The following DGKB variants were observed in gnomAD, a reference collection of about 807,000 sequenced individuals.
DGKB encodes diacylglycerol kinase beta, also known as 90 kDa diacylglycerol kinase.
A neutral mutation model predicts 114.3 loss-of-function variants in DGKB; 67 were observed. The ratio of observed to expected loss-of-function variants is 0.59; its 90% confidence interval spans 0.48 to 0.72. The LOEUF is 0.72. Among genes scored for constraint, DGKB ranks in the 30% least tolerant of loss-of-function variants. DGKB has a pLI of 0.00. For synonymous variants in DGKB, 398 were observed against 323.1 expected (o/e 1.23, Z -2.49); for missense variants, 907 against 975.2 (o/e 0.93, Z 0.93).
At chr7:14,949,644 A>C (rs1786066880) in intron 1 of DGKB, among the ~76,000 whole-genome samples, 1 of 151,990 alleles carries the variant, frequency 6.6e-6, no homozygotes, top group Admixed American at 6.6e-5. Context: ...TTGATCTACA[A>C]ATTTAAGAGG....
intron 21 of DGKB, among the ~76,000 whole-genome samples, chr7:14,449,331 T>C (rs1831151630): frequency 6.6e-6 from 1 of 152,060 alleles, no homozygotes; most frequent in South Asian, 2.1e-4. Context: ...TTGTGTACCT[T>C]TGCATTTTAC....
intron 1 of DGKB, among the ~76,000 whole-genome samples, chr7:14,921,942 G>A (rs1242034959): frequency 6.6e-6 from 1 of 152,150 alleles, no homozygotes; most frequent in African/African-American, 2.4e-5. Flanking sequence ...ACTGTGTTCT[G>A]ATTAGGAGGT....
At chr7:14,235,234 C>T (rs142237854) in intron 23 of DGKB, among the ~76,000 whole-genome samples, 223 of 152,130 alleles carry the variant, frequency 1.5e-3, no homozygotes, top group African/African-American at 3.1e-3. Flanking sequence ...CTAGAAATCA[C>T]TTTTATTTAA....
At chr7:14,733,271 AATG>A (rs1449608855) in intron 5 of DGKB, among the ~76,000 whole-genome samples, 1 of 152,218 alleles carries the variant, frequency 6.6e-6, no homozygotes, top group Non-Finnish European at 1.5e-5. Flanking sequence ...AGAAGAGAAA[AATG>A]ATGATAAACA....
chr7:14,392,389 C>T (rs551717133), intron 21 of DGKB, among the ~76,000 whole-genome samples: 44 of 152,112 alleles, frequency 2.9e-4, no homozygotes, highest in African/African-American at 8.7e-4. Flanking sequence ...TTTTGTATTG[C>T]GTTAACATGA....
At chr7:14,944,929 T>C (rs1276619003) in intron 1 of DGKB, among the ~76,000 whole-genome samples, 1 of 151,762 alleles carries the variant, frequency 6.6e-6, no homozygotes, top group African/African-American at 2.4e-5. Context: ...CTGGCGATAA[T>C]CATACCATAA....
intron 23 of DGKB, among the ~76,000 whole-genome samples, chr7:14,240,859 C>T (rs73067886): frequency 0.085 from 12,916 of 152,036 alleles, 699 homozygotes; most frequent in Admixed American, 0.18. Flanking sequence ...TTAATAAGCA[C>T]AGAGGTATCT....
chr7:14,943,771 T>C (rs1490904698), intron 1 of DGKB, among the ~76,000 whole-genome samples: 1 of 151,940 alleles, frequency 6.6e-6, no homozygotes, highest in South Asian at 2.1e-4. Flanking sequence ...TAAAATAACA[T>C]ATTAGTTATA....
intron 1 of DGKB, among the ~76,000 whole-genome samples, chr7:14,941,754 G>T (rs1237126338): frequency 6.6e-6 from 1 of 151,994 alleles, no homozygotes; most frequent in Non-Finnish European, 1.5e-5. Context: ...AATGGTACTA[G>T]ATTTCAGGTT....
At chr7:14,171,822 A>G (rs1365136798) in intron 25 of DGKB, among the ~76,000 whole-genome samples, 2 of 152,238 alleles carry the variant, frequency 1.3e-5, no homozygotes, top group African/African-American at 4.8e-5. Flanking sequence ...TTGCAAATTC[A>G]AAGTGCATTT....
intron 16 of DGKB, among the ~76,000 whole-genome samples, chr7:14,612,760 G>A (rs976115174): frequency 2.6e-5 from 4 of 152,030 alleles, no homozygotes; most frequent in Non-Finnish European, 5.9e-5. Flanking sequence ...ACTCTTCAAT[G>A]TAGTGATTTT....
chr7:14,844,178 T>C (rs1848326208), intron 1 of DGKB, among the ~76,000 whole-genome samples: 2 of 152,234 alleles, frequency 1.3e-5, no homozygotes, highest in Admixed American at 6.5e-5. Context: ...AGAAAAGTTC[T>C]ATTAGAGGAA....
intron 23 of DGKB, among the ~76,000 whole-genome samples, chr7:14,182,273 A>G (rs1782740335): frequency 1.3e-5 from 2 of 151,864 alleles, no homozygotes; most frequent in Non-Finnish European, 1.5e-5. Flanking sequence ...ATTTATATTC[A>G]TTATGTCAAA....
At chr7:14,314,092 T>C (rs1402569537) in intron 23 of DGKB, among the ~76,000 whole-genome samples, 1 of 152,014 alleles carries the variant, frequency 6.6e-6, no homozygotes, top group African/African-American at 2.4e-5. Flanking sequence ...GAAGGAAAAC[T>C]AACAAACAGA....
intron 1 of DGKB, among the ~76,000 whole-genome samples, chr7:14,887,611 C>G (rs536420032): frequency 9.9e-5 from 15 of 151,774 alleles, no homozygotes; most frequent in Admixed American, 3.3e-4. Context: ...AGAGACATTT[C>G]AAATATATTA....
chr7:14,412,895 C>T (rs1012612177), intron 21 of DGKB, among the ~76,000 whole-genome samples: 10 of 151,662 alleles, frequency 6.6e-5, no homozygotes, highest in Admixed American at 4.6e-4. Flanking sequence ...ACAGGAGAAT[C>T]GCTTGAACCC....
intron 20 of DGKB, among the ~76,000 whole-genome samples, chr7:14,565,191 T>C (rs767753004): frequency 6.6e-6 from 1 of 152,046 alleles, no homozygotes; most frequent in Non-Finnish European, 1.5e-5. Flanking sequence ...TACTGAAAAT[T>C]TTTCCACCAT....
chr7:14,796,616 C>G (rs1841443445), intron 2 of DGKB, among the ~76,000 whole-genome samples: 1 of 150,946 alleles, frequency 6.6e-6, no homozygotes, highest in African/African-American at 2.4e-5. Context: ...AAGTGAACTG[C>G]TCAAAAGCAA....
intron 23 of DGKB, among the ~76,000 whole-genome samples, chr7:14,313,207 T>C (rs943006805): frequency 6.6e-6 from 1 of 152,250 alleles, no homozygotes; most frequent in Non-Finnish European, 1.5e-5. Flanking sequence ...CCCAACTACA[T>C]ATCTGTGTGA....
Sources: allele counts gnomAD v4.1 joint callset (sites outside exome capture counted in the v4.1 genomes callset), GRCh38; gene constraint gnomAD v4.1.1; transcripts MANE v1.5; gene names NCBI Gene and HGNC (gene_info 2026-07-23, HGNC 2026-07-21).